MOCOS: variants seen among roughly 807,000 people sequenced by gnomAD.
The protein encoded by MOCOS is human molybdenum cofactor sulfurase.
In MOCOS, 86 loss-of-function variants were observed where a neutral mutation model predicts 83.6. The ratio of observed to expected loss-of-function variants is 1.03; its 90% confidence interval spans 0.86 to 1.23. MOCOS has a LOEUF of 1.23. Among genes scored for constraint, MOCOS ranks in the 50% most tolerant of loss-of-function variants. MOCOS has a pLI of 0.00. For synonymous variants in MOCOS, 445 were observed against 434.7 expected, an observed-to-expected ratio of 1.02 and a Z score of -0.29; for missense variants, 1,120 against 1,126.9, an observed-to-expected ratio of 0.99 and a Z score of 0.09.
chr18:36,226,453 T>G (rs635601), intron 9 of MOCOS, among the ~76,000 whole-genome samples: 51,647 of 140,494 alleles, frequency 0.37, 9,905 homozygotes, highest in Admixed American at 0.49. Flanking sequence ...TACAGTTGGG[T>G]TTTTTTTTAT....
At chr18:36,260,268 C>T (rs2091659022) in intron 13 of MOCOS, 93 bp downstream of exon 13, 1 of 1,516,124 alleles carries the variant, frequency 6.6e-7, no homozygotes, top group South Asian at 1.1e-5. Context: ...GTGGGACTCC[C>T]TCCCAGTCCT....
chr18:36,204,438 AAAAC>A (rs1568051181), intron 5 of MOCOS, among the ~76,000 whole-genome samples: 2 of 152,224 alleles, frequency 1.3e-5, no homozygotes, highest in Non-Finnish European at 2.9e-5. Context: ...ATTAATAATA[AAAAC>A]AAACAGCAAA....
chr18:36,194,722 G>C (rs2091380369), intron 1 of MOCOS, among the ~76,000 whole-genome samples: 1 of 152,186 alleles, frequency 6.6e-6, no homozygotes, highest in Admixed American at 6.5e-5. Context: ...TCCAACCACT[G>C]ATCTCTGCCA....
intron 11 of MOCOS, among the ~76,000 whole-genome samples, chr18:36,256,105 T>C (rs890347071): frequency 6.6e-6 from 1 of 152,130 alleles, no homozygotes; most frequent in Non-Finnish European, 1.5e-5. Context: ...TTGGTCAGGC[T>C]GGTCTTGAAC....
intron 9 of MOCOS, among the ~76,000 whole-genome samples, chr18:36,244,197 T>G (rs1598589242): frequency 6.6e-6 from 1 of 152,110 alleles, no homozygotes; most frequent in East Asian, 1.9e-4. Flanking sequence ...TCTCTAGTTT[T>G]TTGAGGTGTG....
chr18:36,194,894 C>A (rs906249407), intron 1 of MOCOS, among the ~76,000 whole-genome samples: 7 of 152,202 alleles, frequency 4.6e-5, no homozygotes, highest in African/African-American at 1.7e-4. Context: ...TCAGGGCTCT[C>A]CCCTCAGGGA....
intron 7 of MOCOS, 43 bp from the exon 8 acceptor site, chr18:36,215,473 A>G: frequency 6.3e-7 from 1 of 1,578,076 alleles, no homozygotes; most frequent in South Asian, 1.1e-5. Context: ...TGTCTCTATG[A>G]GAAAGGGGTC....
intron 1 of MOCOS, among the ~76,000 whole-genome samples, chr18:36,189,531 G>C (rs2091356810): frequency 6.6e-6 from 1 of 152,162 alleles, no homozygotes; most frequent in African/African-American, 2.4e-5. Context: ...CTGCCAATTT[G>C]AGAATTACTC....
intron 9 of MOCOS, among the ~76,000 whole-genome samples, chr18:36,220,852 C>T (rs1257393565): frequency 6.6e-6 from 1 of 151,952 alleles, no homozygotes; most frequent in Non-Finnish European, 1.5e-5. Flanking sequence ...TCGCTTGAGC[C>T]CCAGAGGTGG....
At position 36,195,302 on chromosome 18, in the gene MOCOS, G is replaced by A. The variant is rs139112042; in HGVS notation, c.188G>A (p.Ser63Asn). The A allele has an allele frequency of 8.7e-6, 14 of 1,614,058 alleles. No individual in the cohort carries two copies. The highest frequency in any genetic ancestry group is 1.2e-5 in the Non-Finnish European group (14 of 1,180,010). Residue 63 changes from serine to asparagine, a missense_variant, in exon 2 of 15, where the codon AGC becomes AAC. Physicochemically the swap from Ser to Asn is conservative, Grantham distance 46. Transcript: ENST00000261326. ...GCAGGTGCCACCTTGTTCTCCCAGA[G>A]CCAGCTCGAAAGCTTCACTAGTGAT... Reference protein sequence around the residue: ...DHAGATLFSQSQLESFTSDLM... With the variant: ...DHAGATLFSQNQLESFTSDLM...
In MOCOS at chr18:36,266,823, C is replaced by A. The variant is rs780888858; in HGVS notation, c.2484C>A (p.Phe828Leu). Residue 828 changes from phenylalanine to leucine, a missense_variant, in exon 14 of 15, where the codon TTC becomes TTA. By Grantham distance (22) the Phe-to-Leu change is conservative. Coordinates refer to ENST00000261326, the MANE Select transcript of MOCOS (RefSeq NM_017947.4). The stretch of plus-strand genomic sequence containing the variant: ...CTGGGCAACGAAACCAGCATGTTTT[C>A]CAAAAACTTTCTGAGAGTCGTGAAA... ...QQTGQRNQHVFQKLSESRETK... is the reference protein window; with the variant it reads ...QQTGQRNQHVLQKLSESRETK... 1 of 1,614,040 alleles carries A rather than the reference C, an allele frequency of 6.2e-7. No individual in the cohort carries two copies. The highest frequency in any genetic ancestry group is 1.3e-5 in the African/African-American group (1 of 75,036).
chr18:36,225,930 C>CTT (rs76941554), intron 9 of MOCOS, among the ~76,000 whole-genome samples: 1 of 130,488 alleles, frequency 7.7e-6, no homozygotes, highest in African/African-American at 2.8e-5. Context: ...AATTCATTGT[C>CTT]TTTTTTTTTT....
At chr18:36,241,801 C>A (rs2091584234) in intron 9 of MOCOS, among the ~76,000 whole-genome samples, 2 of 152,228 alleles carry the variant, frequency 1.3e-5, no homozygotes, top group African/African-American at 4.8e-5. Context: ...CTTTTGTGTA[C>A]CCACAGGCCC....
intron 6 of MOCOS, among the ~76,000 whole-genome samples, chr18:36,209,002 G>GGGATGCT (rs1447582505): frequency 1.3e-5 from 2 of 152,148 alleles, no homozygotes; most frequent in African/African-American, 4.8e-5. Context: ...TTTAACAGAA[G>GGGATGCT]GGATGCTGAA....
intron 9 of MOCOS, among the ~76,000 whole-genome samples, chr18:36,227,748 A>G (rs2091523273): frequency 6.6e-6 from 1 of 152,196 alleles, no homozygotes; most frequent in South Asian, 2.1e-4. Context: ...TCTCCAATCT[A>G]GGCAATACCA....
chr18:36,220,080 A>C lies in MOCOS; in HGVS notation c.1823A>C (p.Gln608Pro). 6.2e-7 allele frequency: 1 copy of C among 1,613,474 alleles called. No individual in the cohort carries two copies. Among genetic ancestry groups the C allele is most frequent in the Non-Finnish European group, 8.5e-7 (1 of 1,180,036 alleles). The change falls in exon 9 of 15, where the codon CAA becomes CCA. Residue 608 changes from glutamine to proline, a missense_variant. Transcript: ENST00000261326. The part of the protein sequence containing the change: ...FEVTRWPVGN[Q>P]GLLYDRSWMV... ...GTGACCAGGTGGCCTGTAGGAAACC[A>C]AGGGCTGCTATATGACCGGAGCTGG...
At chr18:36,230,518 T>C (rs371593380) in intron 9 of MOCOS, among the ~76,000 whole-genome samples, 9 of 152,312 alleles carry the variant, frequency 5.9e-5, no homozygotes, top group African/African-American at 1.4e-4. Context: ...CTTAGGATAA[T>C]CAGGCAACTA....
chr18:36,231,262 T>C (rs2091536693), intron 9 of MOCOS, among the ~76,000 whole-genome samples: 1 of 152,210 alleles, frequency 6.6e-6, no homozygotes, highest in African/African-American at 2.4e-5. Context: ...TTTGGTATCT[T>C]AAGGAAAAAG....
At chr18:36,268,484 T>A (rs564912882) in intron 14 of MOCOS, 49 bp from the exon 15 acceptor site, 1 of 1,610,360 alleles carries the variant, frequency 6.2e-7, no homozygotes, top group East Asian at 2.2e-5. Flanking sequence ...TTATTTTAAT[T>A]GCTAAAATAA....
Sources: gnomAD v4.1 joint callset for allele counts (sites outside exome capture counted in the v4.1 genomes callset) on GRCh38, gnomAD v4.1.1 for gene constraint, MANE v1.5 for transcripts, NCBI Gene and HGNC (gene_info 2026-07-23, HGNC 2026-07-21) for gene names.